The following SYNC variants were observed in gnomAD, a reference collection of about 807,000 sequenced individuals.
The protein encoded by SYNC is syncoilin, intermediate filament protein, also known as syncoilin.
A neutral mutation model predicts 49.5 loss-of-function variants in SYNC; 38 were observed. That is an observed-to-expected ratio of 0.77 (90% CI 0.59 to 1.01). SYNC has a LOEUF of 1.01. Ranked by LOEUF, SYNC falls within the 50% of genes least tolerant of loss-of-function variation. SYNC has a pLI of 0.00. For synonymous variants in SYNC, 201 were observed against 230.8 expected, an observed-to-expected ratio of 0.87 and a Z score of 1.17; for missense variants, 579 against 580.6, an observed-to-expected ratio of 1.00 and a Z score of 0.03.
chr1:32,685,906 C>T (rs1474031405), intron 2 of SYNC: 2 of 152,194 alleles, frequency 1.3e-5, no homozygotes, highest in Non-Finnish European at 2.9e-5. Flanking sequence ...CAAAATCCTT[C>T]AAAGGCTTTC....
In SYNC at chr1:32,695,593, T is replaced by A; in HGVS notation, c.505A>T (p.Ile169Leu). The change falls in exon 2 of 5, where the codon ATA becomes TTA. Residue 169 changes from isoleucine (I) to leucine (L), a missense_variant. Physicochemically the swap from Ile to Leu is conservative, Grantham distance 5 (BLOSUM62 2). Coordinates refer to ENST00000409190, the MANE Select transcript of SYNC (RefSeq NM_030786.3). ...CCCTCTAGCAATTCCAGGTCCTCTA[T>A]GCTCAGGTTCTCCTCCATGCTGGGG... is the stretch of plus-strand genomic sequence containing the variant. Reference protein sequence around the residue: ...QSPSMEENLSIEDLELLEGRF... With the variant: ...QSPSMEENLSLEDLELLEGRF... The A allele has an allele frequency of 6.4e-7, 1 of 1,551,550 alleles. No individual in the cohort carries two copies. The highest frequency in any genetic ancestry group is 8.7e-7 in the Non-Finnish European group (1 of 1,146,966).
intron 2 of SYNC, among the ~76,000 whole-genome samples, chr1:32,692,714 C>T (rs1255067221): frequency 6.6e-6 from 1 of 152,048 alleles, no homozygotes; most frequent in Non-Finnish European, 1.5e-5. Context: ...CCACTGCACT[C>T]CACTGCACTC....
chr1:32,680,743 T>C lies in SYNC; in HGVS notation c.*1107A>G. 1 of 538,848 alleles carries C rather than the reference T, an allele frequency of 1.9e-6. No individual in the cohort carries two copies. Among genetic ancestry groups the C allele is most frequent in the Non-Finnish European group, 3.3e-6 (1 of 304,198 alleles). 33.4% of individuals were successfully genotyped at this position (538,848 alleles called of 1,614,324 possible). On this transcript the variant is annotated 3_prime_UTR_variant, in exon 5 of 5. Coordinates refer to ENST00000409190, the MANE Select transcript of SYNC (RefSeq NM_030786.3). Reference sequence around the variant, plus strand: ...AGAGTCCTTCAGATGACAGTTGTTGTCCATGGTCTTTGACTATCAAGAGCA... The same window carrying C: ...AGAGTCCTTCAGATGACAGTTGTTGCCCATGGTCTTTGACTATCAAGAGCA...
chr1:32,692,388 C>T (rs571430733), intron 2 of SYNC, among the ~76,000 whole-genome samples: 2 of 152,126 alleles, frequency 1.3e-5, no homozygotes, highest in African/African-American at 4.8e-5. Flanking sequence ...AAATAAATGA[C>T]TTTTCACTAG....
rs1350347898 is a variant in SYNC at position 32,702,025 on chromosome 1, T to G, written c.53+583A>C. ...GAAGTCCCAGAGCCACAGTATGACC[T>G]GGGACAGAAATACACCTCACCCCAA... On this transcript the variant is annotated intron_variant, in intron 1 of 4. Transcript: ENST00000409190. The surrounding 1 kb of genome is among the most constrained non-coding windows in gnomAD (Gnocchi z 6.2). 6.6e-6 allele frequency among the ~76,000 whole-genome samples: 1 copy of G among 152,190 alleles called. No homozygotes were observed. Among genetic ancestry groups the G allele is most frequent in the East Asian group, 1.9e-4 (1 of 5,196 alleles).
chr1:32,692,221 C>G (rs1237445575), intron 2 of SYNC, among the ~76,000 whole-genome samples: 1 of 151,942 alleles, frequency 6.6e-6, no homozygotes, highest in Non-Finnish European at 1.5e-5. Flanking sequence ...GTGACAGACT[C>G]CGTCTCAAAA....
intron 2 of SYNC, among the ~76,000 whole-genome samples, chr1:32,689,869 A>G (rs1297590161): frequency 6.7e-6 from 1 of 148,616 alleles, no homozygotes; most frequent in Non-Finnish European, 1.5e-5. Context: ...TGAACCCGGG[A>G]GGCAGAGGTT....
Position 32,702,556 on chromosome 1 carries a change from A to G in SYNC, c.53+52T>C, listed in dbSNP as rs1396854035. 8.3e-6 allele frequency: 10 copies of G among 1,208,032 alleles called. No homozygotes were observed. Among genetic ancestry groups the G allele is most frequent in the East Asian group, 6.7e-5 (2 of 29,834 alleles). The allele number at this position is 1,208,032 out of a possible 1,614,324, so 74.8% of individuals were successfully genotyped here. On this transcript the variant is annotated intron_variant, in intron 1 of 4. Coordinates refer to ENST00000409190, the MANE Select transcript of SYNC (RefSeq NM_030786.3). The surrounding 1 kb of genome is among the most constrained non-coding windows in gnomAD (Gnocchi z 6.2). ...GGTCGGGGGGAAAGGGAACCCGTCC[A>G]GCAGCACCCCTTCCCCAGCGGGGCG...
In SYNC at chr1:32,702,640, C is replaced by T; in HGVS notation, c.21G>A (p.Arg7=). 1 of 1,211,472 alleles carries T rather than the reference C, an allele frequency of 8.3e-7. No homozygotes were observed. Among genetic ancestry groups the T allele is most frequent in the Non-Finnish European group, 1.0e-6 (1 of 975,054 alleles). The allele number at this position is 1,211,472 out of a possible 1,614,324, so 75.0% of individuals were successfully genotyped here. A position where few individuals can be genotyped will look rare whatever the true frequency, so the allele number is the denominator to read the frequency against. The change falls in exon 1 of 5, where the codon CGG becomes CGA. Residue 7 remains arginine, a synonymous_variant. Transcript: ENST00000409190. The surrounding 1 kb of genome is among the most constrained non-coding windows in gnomAD (Gnocchi z 6.2). The part of the protein sequence containing the change: MASPEP[R]RGGDGAAQAA... ...CCTGGGCGGCGCCGTCCCCGCCGCG[C>T]CGGGGCTCCGGGCTGGCCATGGCTG... is the stretch of plus-strand genomic sequence containing the variant.
At chr1:32,691,264 G>A (rs545289381) in intron 2 of SYNC, among the ~76,000 whole-genome samples, 1 of 136,852 alleles carries the variant, frequency 7.3e-6, no homozygotes, top group East Asian at 2.5e-4. Context: ...GCGTGGCACT[G>A]TGCACCTGTA....
upstream of SYNC, chr1:32,702,841 A>C: frequency 3.1e-6 from 1 of 319,668 alleles, no homozygotes; most frequent in Non-Finnish European, 4.6e-6. This position sits in a 1 kb window ranked among gnomAD's most constrained non-coding sequence, Gnocchi z 6.2. Context: ...GGCCGCGCGG[A>C]CCTGGGGGCG....
intron 2 of SYNC, among the ~76,000 whole-genome samples, chr1:32,692,742 C>T (rs1009203444): frequency 2.0e-5 from 3 of 151,646 alleles, no homozygotes; most frequent in African/African-American, 4.9e-5. Context: ...TGTGACAGAG[C>T]GAGACTCTGT....
chr1:32,687,616 G>A (rs1392886123), intron 2 of SYNC, among the ~76,000 whole-genome samples: 1 of 150,740 alleles, frequency 6.6e-6, no homozygotes, highest in Non-Finnish European at 1.5e-5. Flanking sequence ...AGGTTACAGT[G>A]AGCCAAGATT....
chr1:32,693,701 G>T (rs371849895), intron 2 of SYNC, among the ~76,000 whole-genome samples: 57 of 152,264 alleles, frequency 3.7e-4, no homozygotes, highest in African/African-American at 1.2e-3. Context: ...CTACGTAATT[G>T]TTTATTCACT....
intron 2 of SYNC, 50 bp downstream of exon 2, chr1:32,694,815 C>T (rs760670128): frequency 4.7e-6 from 7 of 1,497,638 alleles, no homozygotes; most frequent in Non-Finnish European, 6.3e-6. Context: ...TCTGGCCACT[C>T]TTTCCCCAGG....
At chr1:32,701,124 G>A (rs753219260) in intron 1 of SYNC, among the ~76,000 whole-genome samples, 14 of 151,908 alleles carry the variant, frequency 9.2e-5, no homozygotes, top group African/African-American at 1.2e-4. Context: ...CATGTTGGCC[G>A]GGCTGGTCTT....
intron 2 of SYNC, chr1:32,685,715 T>C (rs1425214558): frequency 6.6e-6 from 1 of 152,194 alleles, no homozygotes; most frequent in Non-Finnish European, 1.5e-5. Context: ...CAGTCCTCAC[T>C]ACCTACCAGA....
rs1649384461 is a variant in SYNC at position 32,680,796 on chromosome 1, TAGAAA to T, written c.*1049_*1053del. On this transcript the variant is annotated 3_prime_UTR_variant, in exon 5 of 5. Transcript: ENST00000409190. ...ATTAAATGTAATAGTCCCAGAGCTG[TAGAAA>T]AGAACTTTACTCCTTCCCAGGGAAA... 1 of 430,054 alleles carries T rather than the reference TAGAAA, an allele frequency of 2.3e-6. No individual in the cohort carries two copies. The highest frequency in any genetic ancestry group is 2.1e-5 in the African/African-American group (1 of 48,768). 26.6% of individuals were successfully genotyped at this position (430,054 alleles called of 1,614,324 possible). A position where few individuals can be genotyped will look rare whatever the true frequency, so the allele number is the denominator to read the frequency against.
Position 32,695,191 on chromosome 1 carries a change from G to A in SYNC, c.907C>T (p.Arg303Trp), listed in dbSNP as rs754685403. 1.3e-5 allele frequency: 21 copies of A among 1,563,228 alleles called. No homozygotes were observed. The highest frequency in any genetic ancestry group is 1.6e-5 in the Non-Finnish European group (19 of 1,153,536). ...DAYQKQKEQL[R>W]QQLEAPPSQR... ...CTTGGAGGGGCTTCTAGTTGTTGCC[G>A]CAGCTGCTCCTTCTGCTTCTGATAG... The change falls in exon 2 of 5, where the codon CGG (arginine) becomes TGG (tryptophan). Residue 303 changes from arginine (R) to tryptophan (W), a missense_variant. Arg to Trp is a moderately radical substitution (Grantham distance 101, BLOSUM62 -3). Transcript: ENST00000409190.
Sources: gnomAD v4.1 joint callset for allele counts (sites outside exome capture counted in the v4.1 genomes callset) on GRCh38, gnomAD v4.1.1 for gene constraint, Gnocchi (gnomAD v3.1) non-coding constraint, MANE v1.5 for transcripts, NCBI Gene and HGNC (gene_info 2026-07-23, HGNC 2026-07-21) for gene names.